Variants in CDC73 observed in about 807,000 individuals in gnomAD.
CDC73 encodes parafibromin.
CDC73 carries 21 observed loss-of-function variants against 83.7 expected under a neutral mutation model. The observed-to-expected ratio is 0.25, with a 90% CI of 0.18 to 0.36. The LOEUF (loss-of-function observed/expected upper bound fraction) is 0.36. Ranked by LOEUF, CDC73 falls within the 10% of genes least tolerant of loss-of-function variation. The probability of loss-of-function intolerance (pLI) is 1.00; values close to 1 mark genes in which losing one functional copy is unlikely to be tolerated. For synonymous variants in CDC73, 224 were observed against 212.9 expected, an observed-to-expected ratio of 1.05 and a Z score of -0.45; for missense variants, 342 against 653.3, an observed-to-expected ratio of 0.52 and a Z score of 5.19.
chr1:193,194,017 CTGAT>C (rs1443106922), intron 10 of CDC73, among the ~76,000 whole-genome samples: 1 of 152,070 alleles, frequency 6.6e-6, no homozygotes, highest in Non-Finnish European at 1.5e-5. Context: ...AAACTAATAA[CTGAT>C]TACAAAGATA....
Position 193,135,662 on chromosome 1 carries a change from C to T in CDC73, c.423+73C>T, listed in dbSNP as rs1446259548. On this transcript the variant is annotated intron_variant, in intron 5 of 16. Coordinates refer to ENST00000367435, the MANE Select transcript of CDC73 (RefSeq NM_024529.5). ...TTGGGATTCTTTAGTAACAAGGATTCTTTGATTGCAGTAACCTGAGGAGCT... is the reference window on the plus strand; with the variant it reads ...TTGGGATTCTTTAGTAACAAGGATTTTTTGATTGCAGTAACCTGAGGAGCT... 3 of 1,237,896 alleles carry T rather than the reference C, an allele frequency of 2.4e-6. No individual in the cohort carries two copies. In the African/African-American group the frequency reaches 4.5e-5, roughly 19 times the overall value. 76.7% of individuals were successfully genotyped at this position (1,237,896 alleles called of 1,614,324 possible).
chr1:193,130,115 T>G, intron 2 of CDC73, 59 bp from the exon 3 acceptor site: 1 of 808,448 alleles, frequency 1.2e-6, no homozygotes, highest in Non-Finnish European at 2.2e-6. Flanking sequence ...ATGTTAATAT[T>G]TATTAAGTTG....
At chr1:193,175,986 A>G (rs1378645413) in intron 10 of CDC73, among the ~76,000 whole-genome samples, 1 of 152,218 alleles carries the variant, frequency 6.6e-6, no homozygotes, top group Non-Finnish European at 1.5e-5. Context: ...TCTGTTAGGA[A>G]GAAGATTGTA....
At chr1:193,188,286 A>G (rs962644899) in intron 10 of CDC73, among the ~76,000 whole-genome samples, 2 of 152,178 alleles carry the variant, frequency 1.3e-5, no homozygotes, top group Non-Finnish European at 2.9e-5. Context: ...AATGTCAGAT[A>G]AATACTGATA....
At chr1:193,126,395 A>G (rs545788203) in intron 2 of CDC73, among the ~76,000 whole-genome samples, 2 of 152,316 alleles carry the variant, frequency 1.3e-5, no homozygotes, top group Admixed American at 6.5e-5. Flanking sequence ...AATTTCATAA[A>G]CTATGATGAT....
At chr1:193,141,808 G>A in intron 6 of CDC73, 42 bp from the exon 7 acceptor site, 3 of 1,237,796 alleles carry the variant, frequency 2.4e-6, no homozygotes, top group Non-Finnish European at 3.5e-6. Flanking sequence ...ATACACTCCA[G>A]GAATGCCTGC....
At chr1:193,218,837 G>A (rs1677413959) in intron 13 of CDC73, among the ~76,000 whole-genome samples, 1 of 152,158 alleles carries the variant, frequency 6.6e-6, no homozygotes, top group African/African-American at 2.4e-5. Flanking sequence ...TGCCATTCTG[G>A]ACATAGGCCT....
intron 3 of CDC73, among the ~76,000 whole-genome samples, chr1:193,134,818 A>C (rs572570562): frequency 1.2e-4 from 18 of 152,230 alleles, no homozygotes; most frequent in Non-Finnish European, 1.9e-4. Context: ...TGTATTTCTC[A>C]TATCTACAGA....
At chr1:193,172,023 C>A (rs543367372) in intron 10 of CDC73, among the ~76,000 whole-genome samples, 1 of 152,110 alleles carries the variant, frequency 6.6e-6, no homozygotes, top group Non-Finnish European at 1.5e-5. Flanking sequence ...CTCCTGGATT[C>A]AAGTGATTTT....
intron 12 of CDC73, 104 bp downstream of exon 12, chr1:193,212,204 G>GT: frequency 9.9e-7 from 1 of 1,008,132 alleles, no homozygotes; most frequent in Non-Finnish European, 1.5e-6. Context: ...TTTGTGCTTG[G>GT]TATCCATTCT....
At chr1:193,128,230 G>T (rs535726971) in intron 2 of CDC73, 1 of 152,286 alleles carries the variant, frequency 6.6e-6, no homozygotes, top group Non-Finnish European at 1.5e-5. Flanking sequence ...CTTAGAAACA[G>T]TAACTTAAAA....
intron 8 of CDC73, among the ~76,000 whole-genome samples, chr1:193,148,388 C>A (rs1676046710): frequency 6.6e-6 from 1 of 152,160 alleles, no homozygotes; most frequent in African/African-American, 2.4e-5. Flanking sequence ...CCATGCTGTC[C>A]TTTAATTGTA....
chr1:193,150,674 G>T (rs1310773094), intron 9 of CDC73, among the ~76,000 whole-genome samples: 1 of 152,114 alleles, frequency 6.6e-6, no homozygotes, highest in East Asian at 1.9e-4. Context: ...AAAAAAAGTT[G>T]GCCAACCCCT....
intron 10 of CDC73, among the ~76,000 whole-genome samples, chr1:193,159,272 G>A (rs1263675652): frequency 6.6e-6 from 1 of 152,186 alleles, no homozygotes; most frequent in African/African-American, 2.4e-5. Context: ...CAGAAAGGTG[G>A]TATAACTTCC....
In CDC73 at chr1:193,249,696, TA is replaced by T. The variant is rs534570219; in HGVS notation, c.1418-29del. 285 of 1,564,138 alleles carry T rather than the reference TA, an allele frequency of 1.8e-4. 3 individuals carry two copies. In the South Asian group the frequency reaches 3.0e-3, roughly 16 times the overall value. On this transcript the variant is annotated intron_variant, in intron 15 of 16. Coordinates refer to ENST00000367435, the MANE Select transcript of CDC73 (RefSeq NM_024529.5). Reference sequence around the variant, plus strand: ...TTTTTTTCTTTTTTTTTATTTTGAGTAAAAATGATAACTTCTCTCCACCCTC... The same window carrying T: ...TTTTTTTCTTTTTTTTTATTTTGAGTAAAATGATAACTTCTCTCCACCCTC...
At position 193,250,899 on chromosome 1, in the gene CDC73, A is replaced by G; in HGVS notation, c.*187A>G. The G allele has an allele frequency of 1.6e-6, 1 of 607,486 alleles. No homozygotes were observed. Among genetic ancestry groups the G allele is most frequent in the Non-Finnish European group, 3.0e-6 (1 of 336,374 alleles). The allele number at this position is 607,486 out of a possible 1,614,324, so 37.6% of individuals were successfully genotyped here. A position where few individuals can be genotyped will look rare whatever the true frequency, so the allele number is the denominator to read the frequency against. ...GGCTTACAACTATTTTTTTAATATT[A>G]GCCTTCTAGTCTGTAATGGAAATTG... On this transcript the variant is annotated 3_prime_UTR_variant, in exon 17 of 17. Transcript: ENST00000367435.
intron 11 of CDC73, among the ~76,000 whole-genome samples, chr1:193,208,262 A>G (rs1677221970): frequency 6.6e-6 from 1 of 152,036 alleles, no homozygotes; most frequent in South Asian, 2.1e-4. Context: ...TCAAGTAGAA[A>G]CCATCATCAT....
intron 2 of CDC73, among the ~76,000 whole-genome samples, 187 bp downstream of exon 2, chr1:193,125,404 T>G (rs1319436241): frequency 6.6e-6 from 1 of 152,032 alleles, no homozygotes; most frequent in African/African-American, 2.4e-5. Flanking sequence ...ACTGCAGGCC[T>G]GTGCCACCGT....
In CDC73 at chr1:193,122,237, A is replaced by G. The variant is rs762220544; in HGVS notation, c.37A>G (p.Ile13Val). ...DVLSVLRQYN[I>V]QKKEIVVKGD... Reference sequence around the variant, plus strand: ...GCTTAGCGTCCTGCGACAGTACAACATCCAGAAGAAGGAGATTGTGGTGAA... The same window carrying G: ...GCTTAGCGTCCTGCGACAGTACAACGTCCAGAAGAAGGAGATTGTGGTGAA... Residue 13 changes from isoleucine to valine, a missense_variant, in exon 1 of 17, where the codon ATC becomes GTC. Ile to Val is a conservative substitution (Grantham distance 29). Coordinates refer to ENST00000367435, the MANE Select transcript of CDC73 (RefSeq NM_024529.5). The G allele has an allele frequency of 6.2e-7, 1 of 1,614,174 alleles. No individual in the cohort carries two copies. Among genetic ancestry groups the G allele is most frequent in the Admixed American group, 1.7e-5 (1 of 60,030 alleles).
Sources: gnomAD v4.1 joint callset for allele counts (sites outside exome capture counted in the v4.1 genomes callset) on GRCh38, gnomAD v4.1.1 for gene constraint, MANE v1.5 for transcripts, NCBI Gene and HGNC (gene_info 2026-07-23, HGNC 2026-07-21) for gene names.